Variants in DNAJC1 observed in about 807,000 individuals in gnomAD.
DNAJC1 encodes the protein dnaJ homolog subfamily C member 1.
In DNAJC1, 58 loss-of-function variants were observed where a neutral mutation model predicts 76.6. That is an observed-to-expected ratio of 0.76 (90% confidence interval 0.61 to 0.94). The LOEUF is 0.94. DNAJC1 is among the 40% of genes least tolerant of loss of function. The pLI, the probability that DNAJC1 is intolerant of heterozygous loss-of-function variation, is 0.00. For missense variants in DNAJC1, 689 were observed against 677.3 expected (o/e 1.02, Z -0.19); for synonymous variants, 258 against 267.9 (o/e 0.96, Z 0.36).
At chr10:21,918,674 G>A (rs1836991874) in intron 6 of DNAJC1, 105 bp downstream of exon 6, 3 of 713,268 alleles carry the variant, frequency 4.2e-6, no homozygotes, top group Admixed American at 5.1e-5. Flanking sequence ...ACATTATAAA[G>A]CATCCACTGC....
intron 8 of DNAJC1, chr10:21,865,583 T>C (rs1835984756): frequency 6.6e-6 from 1 of 152,078 alleles, no homozygotes; most frequent in African/African-American, 2.4e-5. Flanking sequence ...GTATGATAAA[T>C]TACAAAGGGT....
intron 9 of DNAJC1, among the ~76,000 whole-genome samples, chr10:21,773,801 T>C (rs1834420407): frequency 6.6e-6 from 1 of 150,648 alleles, no homozygotes; most frequent in African/African-American, 2.5e-5. Flanking sequence ...CCCTCTTTAT[T>C]AATTTTTTTT....
intron 9 of DNAJC1, among the ~76,000 whole-genome samples, chr10:21,805,340 T>C (rs1188089964): frequency 1.3e-5 from 2 of 152,030 alleles, no homozygotes; most frequent in Non-Finnish European, 2.9e-5. Flanking sequence ...AGGTGCTTTC[T>C]AAAAAATTTT....
At chr10:21,967,238 G>T (rs1837908775) in intron 1 of DNAJC1, among the ~76,000 whole-genome samples, 1 of 152,042 alleles carries the variant, frequency 6.6e-6, no homozygotes, top group Non-Finnish European at 1.5e-5. Context: ...GGCAAACATT[G>T]ATTTACTTTC....
intron 1 of DNAJC1, among the ~76,000 whole-genome samples, chr10:21,983,720 C>CA (rs35597471): frequency 0.021 from 2,382 of 113,732 alleles, 36 homozygotes; most frequent in Middle Eastern, 0.07. Flanking sequence ...GATTCTGTCT[C>CA]AAAAAAAAAA....
intron 8 of DNAJC1, among the ~76,000 whole-genome samples, chr10:21,837,837 CCCGCCTGG>C: frequency 7.0e-6 from 1 of 143,788 alleles, no homozygotes; most frequent in African/African-American, 2.6e-5. Flanking sequence ...GGGGGCAGCC[CCCGCCTGG>C]CCAGCCGCCC....
chr10:21,835,622 A>T (rs1355146623), intron 8 of DNAJC1, among the ~76,000 whole-genome samples: 1 of 152,222 alleles, frequency 6.6e-6, no homozygotes, highest in African/African-American at 2.4e-5. Flanking sequence ...AATGCAGTGA[A>T]GTCCTTAAAG....
At chr10:21,938,664 T>G (rs1278917064) in intron 1 of DNAJC1, among the ~76,000 whole-genome samples, 1 of 152,240 alleles carries the variant, frequency 6.6e-6, no homozygotes, top group Non-Finnish European at 1.5e-5. Flanking sequence ...AGGTAGTGGC[T>G]GCTTTTGGCC....
chr10:21,859,193 G>C (rs1425987484), intron 8 of DNAJC1, among the ~76,000 whole-genome samples: 1 of 152,104 alleles, frequency 6.6e-6, no homozygotes, highest in Non-Finnish European at 1.5e-5. Flanking sequence ...ACTTAAGAAG[G>C]TTAAGAAGTT....
chr10:21,998,385 A>G (rs550475491), intron 1 of DNAJC1, among the ~76,000 whole-genome samples: 2 of 77,500 alleles, frequency 2.6e-5, no homozygotes, highest in African/African-American at 6.1e-5. Context: ...GCAAGACTCC[A>G]TCTCAAAAAA....
chr10:21,831,605 A>G (rs575537102), intron 8 of DNAJC1, among the ~76,000 whole-genome samples: 3 of 152,194 alleles, frequency 2.0e-5, no homozygotes, highest in South Asian at 4.2e-4. Flanking sequence ...CCTGGCTAAC[A>G]TGGTGAAACC....
intron 6 of DNAJC1, 41 bp from the exon 7 acceptor site, chr10:21,904,653 G>C: frequency 8.0e-7 from 1 of 1,246,060 alleles, no homozygotes; most frequent in Non-Finnish European, 1.1e-6. Context: ...ATAAAAATCA[G>C]TGTGCTTCAA....
intron 7 of DNAJC1, among the ~76,000 whole-genome samples, chr10:21,901,539 A>G (rs1424887771): frequency 1.3e-5 from 2 of 152,188 alleles, no homozygotes; most frequent in East Asian, 3.8e-4. Flanking sequence ...AAATTTCCCA[A>G]ATATATATCA....
At chr10:21,876,405 C>T (rs1836188516) in intron 8 of DNAJC1, among the ~76,000 whole-genome samples, 1 of 152,024 alleles carries the variant, frequency 6.6e-6, no homozygotes, top group Non-Finnish European at 1.5e-5. Context: ...AGCTACTGTG[C>T]CCAGCCTGAA....
At chr10:21,767,093 A>G (rs1335364138) in intron 9 of DNAJC1, among the ~76,000 whole-genome samples, 2 of 152,192 alleles carry the variant, frequency 1.3e-5, no homozygotes, top group Non-Finnish European at 2.9e-5. Context: ...GAGTATTGCA[A>G]TCAGTGGGGA....
intron 8 of DNAJC1, among the ~76,000 whole-genome samples, chr10:21,858,979 T>TA (rs775506380): frequency 6.6e-6 from 1 of 152,108 alleles, no homozygotes; most frequent in South Asian, 2.1e-4. Context: ...TTGGAAATTG[T>TA]AAAAAAAGTA....
intron 8 of DNAJC1, among the ~76,000 whole-genome samples, chr10:21,850,417 G>A (rs979782841): frequency 2.0e-5 from 3 of 151,800 alleles, no homozygotes; most frequent in East Asian, 3.9e-4. Context: ...AGGAGGTGAA[G>A]GACTTGTATA....
At chr10:21,946,925 T>C (rs1256756977) in intron 1 of DNAJC1, among the ~76,000 whole-genome samples, 1 of 152,162 alleles carries the variant, frequency 6.6e-6, no homozygotes, top group Non-Finnish European at 1.5e-5. Flanking sequence ...TCCACCCTCA[T>C]GAACGGATTA....
In DNAJC1 at chr10:21,766,585, G is replaced by A. The variant is rs537059592; in HGVS notation, c.1099-276C>T. Among the ~76,000 whole-genome samples the A allele has an allele frequency of 5.9e-5, 9 of 152,170 alleles. No homozygotes were observed. In the East Asian group the frequency reaches 1.7e-3, roughly 29 times the overall value. On this transcript the variant is annotated intron_variant, in intron 9 of 11. Coordinates refer to ENST00000376980, the MANE Select transcript of DNAJC1 (RefSeq NM_022365.4). Reference sequence around the variant, plus strand: ...CTCCTTCTAGTTCAATGACAGTTCCGTTATACGAGGCTGCCTCTTTTCATT... The same window carrying A: ...CTCCTTCTAGTTCAATGACAGTTCCATTATACGAGGCTGCCTCTTTTCATT...
Sources: gnomAD v4.1 joint callset for allele counts (sites outside exome capture counted in the v4.1 genomes callset) on GRCh38, gnomAD v4.1.1 for gene constraint, MANE v1.5 for transcripts, NCBI Gene and HGNC (gene_info 2026-07-23, HGNC 2026-07-21) for gene names.